The following CDH12 variants were observed in gnomAD, a reference collection of about 807,000 sequenced individuals.
CDH12 encodes the protein cadherin 12.
In CDH12, 41 loss-of-function variants were observed where a neutral mutation model predicts 74.1. The observed-to-expected ratio is 0.55, with a 90% confidence interval of 0.43 to 0.72. The LOEUF is 0.72. CDH12 is among the 30% of genes least tolerant of loss of function. CDH12 has a pLI of 0.00. For missense variants in CDH12, 945 were observed against 977.2 expected (o/e 0.97, Z 0.44); for synonymous variants, 399 against 355.0 (o/e 1.12, Z -1.39).
intron 3 of CDH12, among the ~76,000 whole-genome samples, chr5:22,304,897 A>C (rs1580502564): frequency 6.6e-6 from 1 of 152,324 alleles, no homozygotes; most frequent in Non-Finnish European, 1.5e-5. Flanking sequence ...AAGGCTGCTA[A>C]GGGGACAGAA....
chr5:21,941,441 A>T (rs557449133), intron 6 of CDH12, among the ~76,000 whole-genome samples: 277 of 152,170 alleles, frequency 1.8e-3, no homozygotes, highest in African/African-American at 4.8e-3. Flanking sequence ...AGTTGTTTTT[A>T]AAAAATGAGC....
rs1554058592 is a variant in CDH12 at position 22,681,239 on chromosome 5, G to GTGTA, written c.-523+171818_-523+171819insTACA. 2.7e-3 allele frequency among the ~76,000 whole-genome samples: 413 copies of GTGTA among 151,328 alleles called. 3 individuals carry two copies. The highest frequency in any genetic ancestry group is 9.6e-3 in the African/African-American group (394 of 41,222). On this transcript the variant is annotated intron_variant, in intron 1 of 14. Coordinates refer to ENST00000382254, the MANE Select transcript of CDH12 (RefSeq NM_004061.5). ...CCTGGGTATTGGGGGGTGTGTGTGT[G>GTGTA]TGTGTGTGTGTGTGTGTGTGTGTGT...
chr5:22,626,035 G>A (rs1187629449), intron 1 of CDH12, among the ~76,000 whole-genome samples: 1 of 151,940 alleles, frequency 6.6e-6, no homozygotes, highest in African/African-American at 2.4e-5. Flanking sequence ...CCATCCAGAT[G>A]TCACCACCAC....
intron 4 of CDH12, among the ~76,000 whole-genome samples, chr5:22,086,449 A>C (rs1743074231): frequency 6.6e-6 from 1 of 152,016 alleles, no homozygotes; most frequent in African/African-American, 2.4e-5. Context: ...GGTTTAAACA[A>C]TTCTCTGCCT....
intron 3 of CDH12, among the ~76,000 whole-genome samples, chr5:22,286,678 C>CTT (rs56379593): frequency 6.9e-6 from 1 of 145,804 alleles, no homozygotes; most frequent in African/African-American, 2.5e-5. Context: ...TCTTTCTTTC[C>CTT]TTTTTTTTTT....
intron 3 of CDH12, among the ~76,000 whole-genome samples, chr5:22,299,248 G>A (rs1268427804): frequency 1.3e-5 from 2 of 152,102 alleles, no homozygotes; most frequent in Non-Finnish European, 2.9e-5. Context: ...AGGGAGAGAT[G>A]GGGTGGGGTT....
chr5:21,850,836 T>C (rs957216966), intron 7 of CDH12, among the ~76,000 whole-genome samples: 2 of 151,386 alleles, frequency 1.3e-5, no homozygotes, highest in Non-Finnish European at 3.0e-5. Flanking sequence ...CTCAATTGTT[T>C]TTTTTAATAT....
chr5:22,498,599 C>T (rs1329061494), intron 2 of CDH12, among the ~76,000 whole-genome samples: 1 of 151,672 alleles, frequency 6.6e-6, no homozygotes, highest in Admixed American at 6.6e-5. Flanking sequence ...TGTCTGTTTA[C>T]AAACATATTT....
chr5:22,116,772 A>G (rs1473572859), intron 4 of CDH12, among the ~76,000 whole-genome samples: 1 of 151,954 alleles, frequency 6.6e-6, no homozygotes. Flanking sequence ...TTAAGCCACT[A>G]CATTGGTGAT....
chr5:22,188,672 TA>T (rs1185803986), intron 4 of CDH12, among the ~76,000 whole-genome samples: 1 of 152,208 alleles, frequency 6.6e-6, no homozygotes, highest in East Asian at 1.9e-4. Flanking sequence ...ATTAGCATTT[TA>T]AAGGGCTTTG....
chr5:22,717,063 T>A (rs531407659), intron 1 of CDH12, among the ~76,000 whole-genome samples: 1 of 152,232 alleles, frequency 6.6e-6, no homozygotes, highest in South Asian at 2.1e-4. Flanking sequence ...AGTTAATTTA[T>A]TACTGAAGAA....
chr5:22,074,147 G>T (rs1742141097), intron 5 of CDH12, among the ~76,000 whole-genome samples: 1 of 152,094 alleles, frequency 6.6e-6, no homozygotes, highest in Admixed American at 6.6e-5. Flanking sequence ...AGAGCCCTCA[G>T]AAATAATGCT....
intron 1 of CDH12, among the ~76,000 whole-genome samples, chr5:22,762,314 G>T (rs1194701136): frequency 6.6e-6 from 1 of 151,940 alleles, no homozygotes; most frequent in East Asian, 1.9e-4. Context: ...CCATAGATCT[G>T]TCCCTTGGTG....
chr5:22,261,788 C>A (rs1413319285), intron 3 of CDH12, among the ~76,000 whole-genome samples: 12 of 144,470 alleles, frequency 8.3e-5, no homozygotes, highest in African/African-American at 2.1e-4. Flanking sequence ...GAAAGAAAGC[C>A]AAAAAAAAAA....
At position 22,016,182 on chromosome 5, in the gene CDH12, C is replaced by T. The variant is rs182269248; in HGVS notation, c.232-40797G>A. ...TAGGAAACGGAGAACATCATGATAG[C>T]TTCCTCAAACTGTAGAGTATGATCT... On this transcript the variant is annotated intron_variant, in intron 5 of 14. Transcript: ENST00000382254. Among the ~76,000 whole-genome samples the T allele has an allele frequency of 2.6e-5, 4 of 152,098 alleles. No homozygotes were observed. The East Asian group carries it at 5.8e-4, about 22-fold the overall frequency.
intron 3 of CDH12, among the ~76,000 whole-genome samples, chr5:22,258,627 C>T (rs538007440): frequency 6.6e-6 from 1 of 151,926 alleles, no homozygotes; most frequent in African/African-American, 2.4e-5. Context: ...TTCAGTTCTG[C>T]AGGCTCCATG....
At chr5:22,433,918 T>A (rs1450678260) in intron 2 of CDH12, among the ~76,000 whole-genome samples, 2 of 152,170 alleles carry the variant, frequency 1.3e-5, no homozygotes, top group African/African-American at 4.8e-5. Flanking sequence ...GGAATTTAGA[T>A]AATATGCAGT....
chr5:21,809,986 A>G (rs2149935098), intron 9 of CDH12, among the ~76,000 whole-genome samples: 1 of 152,250 alleles, frequency 6.6e-6, no homozygotes, highest in South Asian at 2.1e-4. Context: ...AAGAACATGT[A>G]AGAATTCATG....
chr5:22,830,711 C>T (rs1736564517), intron 1 of CDH12, among the ~76,000 whole-genome samples: 2 of 151,560 alleles, frequency 1.3e-5, no homozygotes, highest in South Asian at 4.2e-4. Flanking sequence ...AATTGAATTT[C>T]ATGTAAAACA....
Sources: gnomAD v4.1 joint callset for allele counts (sites outside exome capture counted in the v4.1 genomes callset) on GRCh38, gnomAD v4.1.1 for gene constraint, MANE v1.5 for transcripts, NCBI Gene and HGNC (gene_info 2026-07-23, HGNC 2026-07-21) for gene names.